CA10: variants seen among roughly 807,000 people sequenced by gnomAD.
CA10 encodes carbonic anhydrase 10 (inactive).
A neutral mutation model predicts 44.2 loss-of-function variants in CA10; 14 were observed. The ratio of observed to expected loss-of-function variants is 0.32; its 90% confidence interval spans 0.21 to 0.50. CA10 has a LOEUF of 0.50. Ranked by LOEUF, CA10 falls within the 20% of genes least tolerant of loss-of-function variation. The pLI is 0.99. For synonymous variants in CA10, 159 were observed against 141.6 expected, an observed-to-expected ratio of 1.12 and a Z score of -0.87; for missense variants, 350 against 409.7, an observed-to-expected ratio of 0.85 and a Z score of 1.26.
chr17:51,899,997 G>A (rs193228717), intron 3 of CA10, among the ~76,000 whole-genome samples: 41 of 151,406 alleles, frequency 2.7e-4, no homozygotes, highest in African/African-American at 9.5e-4. Flanking sequence ...CCAACTTGCC[G>A]CTCTGTGCCT....
At chr17:52,054,618 G>A (rs1171481889) in intron 2 of CA10, among the ~76,000 whole-genome samples, 3 of 152,070 alleles carry the variant, frequency 2.0e-5, no homozygotes, top group Middle Eastern at 3.4e-3. Flanking sequence ...GGCTTGGGGG[G>A]CATCACGGAA....
At chr17:52,141,609 A>G (rs1378104235) in intron 1 of CA10, among the ~76,000 whole-genome samples, 3 of 152,198 alleles carry the variant, frequency 2.0e-5, no homozygotes, top group Non-Finnish European at 4.4e-5. Context: ...GAAGCCCTAG[A>G]CAATACATCA....
intron 3 of CA10, among the ~76,000 whole-genome samples, chr17:51,899,583 C>T (rs1415699450): frequency 6.6e-6 from 1 of 151,980 alleles, no homozygotes; most frequent in African/African-American, 2.4e-5. Context: ...AAGTGTCTAG[C>T]TCAGGTCCCA....
intron 3 of CA10, among the ~76,000 whole-genome samples, chr17:51,914,935 T>C (rs960432872): frequency 6.6e-6 from 1 of 152,228 alleles, no homozygotes; most frequent in Non-Finnish European, 1.5e-5. Flanking sequence ...ATAAAATATG[T>C]ATGTATAAAT....
intron 3 of CA10, among the ~76,000 whole-genome samples, chr17:51,899,522 T>C (rs1475144719): frequency 1.3e-5 from 2 of 148,934 alleles, no homozygotes; most frequent in Non-Finnish European, 3.0e-5. Flanking sequence ...ATGTATATAC[T>C]GTTGTTTTTG....
chr17:51,939,830 A>G (rs922898370), intron 2 of CA10, among the ~76,000 whole-genome samples: 1 of 151,986 alleles, frequency 6.6e-6, no homozygotes, highest in Non-Finnish European at 1.5e-5. Flanking sequence ...ATATTTTCTT[A>G]TAGCCTCTTA....
At chr17:52,084,672 C>T (rs1243006360) in intron 1 of CA10, among the ~76,000 whole-genome samples, 1 of 152,146 alleles carries the variant, frequency 6.6e-6, no homozygotes, top group African/African-American at 2.4e-5. Flanking sequence ...TAGAATACTG[C>T]TATTTTCCAG....
intron 3 of CA10, among the ~76,000 whole-genome samples, chr17:51,887,201 A>C (rs9909132): frequency 0.08 from 12,086 of 150,666 alleles, 1,167 homozygotes; most frequent in African/African-American, 0.24. Flanking sequence ...AAAAAAAAAA[A>C]CCCACAAGTC....
chr17:51,841,495 G>A (rs1978319451), intron 3 of CA10, among the ~76,000 whole-genome samples: 1 of 152,138 alleles, frequency 6.6e-6, no homozygotes, highest in Admixed American at 6.6e-5. Context: ...AATTTCCAAG[G>A]TAAGTGTGGG....
chr17:51,712,764 T>A (rs1039580061), intron 4 of CA10, among the ~76,000 whole-genome samples: 1 of 152,164 alleles, frequency 6.6e-6, no homozygotes, highest in Non-Finnish European at 1.5e-5. Context: ...AAAACAGGTG[T>A]TGGCCATTAA....
At chr17:51,641,141 CTCTCTCTCAG>C (rs1567785137) in intron 6 of CA10, among the ~76,000 whole-genome samples, 1 of 148,242 alleles carries the variant, frequency 6.7e-6, no homozygotes, top group African/African-American at 2.5e-5. Context: ...TTCTCTCTCT[CTCTCTCTCAG>C]CTCTCTCTCT....
intron 2 of CA10, among the ~76,000 whole-genome samples, chr17:52,058,921 T>C (rs1987302607): frequency 1.3e-5 from 2 of 152,180 alleles, no homozygotes; most frequent in Non-Finnish European, 2.9e-5. Flanking sequence ...CTGTCATTTA[T>C]TCTGATTTGT....
chr17:51,769,850 G>A (rs1443364617), intron 3 of CA10, among the ~76,000 whole-genome samples: 4 of 152,144 alleles, frequency 2.6e-5, no homozygotes, highest in Admixed American at 1.3e-4. Context: ...GAGGGCAGCC[G>A]CAATTCAGCC....
At chr17:51,753,883 G>T (rs925005923) in intron 3 of CA10, among the ~76,000 whole-genome samples, 1 of 152,046 alleles carries the variant, frequency 6.6e-6, no homozygotes, top group Admixed American at 6.6e-5. Context: ...TCACTCTGTC[G>T]CCCAGGCTGG....
intron 2 of CA10, among the ~76,000 whole-genome samples, chr17:51,985,215 G>T (rs1228113934): frequency 1.3e-5 from 2 of 151,850 alleles, no homozygotes; most frequent in Non-Finnish European, 2.9e-5. Context: ...TTTAAAATAT[G>T]CAAGCCAATA....
intron 3 of CA10, among the ~76,000 whole-genome samples, chr17:51,923,604 T>C (rs767824138): frequency 3.3e-5 from 5 of 152,150 alleles, no homozygotes; most frequent in Non-Finnish European, 7.4e-5. Flanking sequence ...AACATAGCAA[T>C]GTGGACATGC....
At position 51,954,671 on chromosome 17, in the gene CA10, G is replaced by A. The variant is rs577493173; in HGVS notation, c.137-23539C>T. ...GAGTGACCAGCTGGAATAAAGTCCT[G>A]ATCAGATTGCTTTTATTCTGCTTTC... is the stretch of plus-strand genomic sequence containing the variant. On this transcript the variant is annotated intron_variant, in intron 2 of 8. Coordinates refer to ENST00000451037, the MANE Select transcript of CA10 (RefSeq NM_020178.5). 5.9e-5 allele frequency among the ~76,000 whole-genome samples: 9 copies of A among 152,288 alleles called. No homozygotes were observed. The South Asian group carries it at 1.9e-3, about 32-fold the overall frequency.
intron 4 of CA10, among the ~76,000 whole-genome samples, chr17:51,677,215 T>C (rs1350850524): frequency 1.3e-5 from 2 of 152,206 alleles, no homozygotes; most frequent in South Asian, 2.1e-4. Flanking sequence ...AAATCTCATG[T>C]TCAATTGTAA....
rs975123123 is a variant in CA10 at position 51,812,256 on chromosome 17, T to A, written c.280-64438A>T. ...TTATAATTGAAGACATTTAAAGATA[T>A]TAAAAACAACGGTAATACGTTTACT... On this transcript the variant is annotated intron_variant, in intron 3 of 8. Transcript: ENST00000451037. Among the ~76,000 whole-genome samples, 4 of 152,338 alleles carry A rather than the reference T, an allele frequency of 2.6e-5. No individual in the cohort carries two copies. The East Asian group carries it at 7.7e-4, about 29-fold the overall frequency.
Sources: allele counts gnomAD v4.1 joint callset (sites outside exome capture counted in the v4.1 genomes callset), GRCh38; gene constraint gnomAD v4.1.1; transcripts MANE v1.5; gene names NCBI Gene and HGNC (gene_info 2026-07-23, HGNC 2026-07-21).